Variants in LRRC4C observed in about 807,000 individuals in gnomAD.
LRRC4C encodes leucine rich repeat containing 4C, also known as leucine-rich repeat-containing protein 4C.
In LRRC4C, 5 loss-of-function variants were observed where a neutral mutation model predicts 33.6. That is an observed-to-expected ratio of 0.15 (90% CI 0.08 to 0.31). The LOEUF (loss-of-function observed/expected upper bound fraction) is 0.31, where lower values mean the gene tolerates loss of function less well. Ranked by LOEUF, LRRC4C falls within the 10% of genes least tolerant of loss-of-function variation. LRRC4C has a pLI of 1.00. For missense variants in LRRC4C, 560 were observed against 796.7 expected (o/e 0.70, Z 3.58); for synonymous variants, 329 against 302.0 (o/e 1.09, Z -0.93).
chr11:40,479,646 A>G (rs902267553), intron 3 of LRRC4C, among the ~76,000 whole-genome samples: 28 of 152,172 alleles, frequency 1.8e-4, no homozygotes, highest in Non-Finnish European at 3.1e-4. Context: ...CCAAGTTCCT[A>G]TTGCAGACTG....
At chr11:40,329,823 C>T (rs1428925659) in intron 3 of LRRC4C, among the ~76,000 whole-genome samples, 1 of 147,266 alleles carries the variant, frequency 6.8e-6, no homozygotes, top group Non-Finnish European at 1.5e-5. Flanking sequence ...CTCGCTGCAA[C>T]ATCTGCCTCC....
At chr11:40,152,883 T>G (rs1055338837) in intron 5 of LRRC4C, among the ~76,000 whole-genome samples, 2 of 152,030 alleles carry the variant, frequency 1.3e-5, no homozygotes, top group Non-Finnish European at 2.9e-5. Context: ...AAAGGGCATA[T>G]TATATTGGGA....
intron 1 of LRRC4C, among the ~76,000 whole-genome samples, chr11:40,946,513 C>T (rs547597287): frequency 7.9e-5 from 12 of 152,216 alleles, no homozygotes; most frequent in African/African-American, 2.4e-4. Flanking sequence ...GTCTCTAAAC[C>T]GCTTTCCACA....
chr11:41,334,106 G>A (rs1231290205), intron 1 of LRRC4C, among the ~76,000 whole-genome samples: 3 of 152,184 alleles, frequency 2.0e-5, no homozygotes, highest in Non-Finnish European at 4.4e-5. Flanking sequence ...TATCGTAAGA[G>A]GCGTGGAATA....
chr11:41,361,070 G>A (rs999816834), intron 1 of LRRC4C, among the ~76,000 whole-genome samples: 27 of 152,104 alleles, frequency 1.8e-4, no homozygotes, highest in African/African-American at 6.5e-4. Flanking sequence ...TAATTACCAG[G>A]CAGTTTTCCA....
At chr11:40,548,497 GA>G (rs1178166855) in intron 3 of LRRC4C, among the ~76,000 whole-genome samples, 1 of 152,036 alleles carries the variant, frequency 6.6e-6, no homozygotes, top group East Asian at 1.9e-4. Flanking sequence ...CTCCTAGAAG[GA>G]AACAACCATG....
chr11:41,146,883 T>A (rs1342730142), intron 1 of LRRC4C, among the ~76,000 whole-genome samples: 1 of 152,214 alleles, frequency 6.6e-6, no homozygotes, highest in Non-Finnish European at 1.5e-5. Context: ...ACTGAATGTA[T>A]GAAAATTCCT....
intron 3 of LRRC4C, among the ~76,000 whole-genome samples, chr11:40,375,541 T>C (rs1251816263): frequency 3.3e-5 from 5 of 152,134 alleles, no homozygotes; most frequent in Non-Finnish European, 7.4e-5. Flanking sequence ...AGGTCTAACA[T>C]TTTGTGGCAT....
intron 2 of LRRC4C, among the ~76,000 whole-genome samples, chr11:40,873,751 C>T (rs940014836): frequency 6.6e-6 from 1 of 152,110 alleles, no homozygotes; most frequent in African/African-American, 2.4e-5. Context: ...GCCTTAAGTT[C>T]ATTTCTTGTA....
At chr11:41,079,605 G>A (rs1402779206) in intron 1 of LRRC4C, among the ~76,000 whole-genome samples, 6 of 152,060 alleles carry the variant, frequency 3.9e-5, no homozygotes, top group African/African-American at 1.2e-4. Context: ...GAGCTTATTC[G>A]TAAACTCAAA....
At position 40,930,844 on chromosome 11, in the gene LRRC4C, C is replaced by T. The variant is rs564907886; in HGVS notation, c.-407+2791G>A. Among the ~76,000 whole-genome samples, 9 of 152,292 alleles carry T rather than the reference C, an allele frequency of 5.9e-5. No individual in the cohort carries two copies. The East Asian group carries it at 1.5e-3, about 26-fold the overall frequency. ...GCCAAAACAAATTAAATCCCCCAAA[C>T]ATTTCATAAATTATTTATGTTTATG... On this transcript the variant is annotated intron_variant, in intron 2 of 6. Coordinates refer to ENST00000528697, the MANE Select transcript of LRRC4C (RefSeq NM_001258419.2).
intron 1 of LRRC4C, among the ~76,000 whole-genome samples, chr11:41,279,718 G>A (rs1949604005): frequency 1.3e-5 from 2 of 152,036 alleles, no homozygotes; most frequent in South Asian, 4.2e-4. Flanking sequence ...AAGGAAATTT[G>A]ACTCCATGCA....
intron 2 of LRRC4C, among the ~76,000 whole-genome samples, chr11:40,842,207 T>G (rs1952944606): frequency 6.6e-6 from 1 of 152,128 alleles, no homozygotes; most frequent in South Asian, 2.1e-4. Context: ...GGTGCCAGAT[T>G]TCCATGCTGG....
chr11:40,573,274 T>C (rs779273974), intron 3 of LRRC4C, among the ~76,000 whole-genome samples: 1 of 152,184 alleles, frequency 6.6e-6, no homozygotes, highest in African/African-American at 2.4e-5. Flanking sequence ...ACAAAATTCA[T>C]TGGTGTTTCT....
intron 1 of LRRC4C, among the ~76,000 whole-genome samples, chr11:41,384,239 G>A (rs988398785): frequency 6.6e-6 from 1 of 151,894 alleles, no homozygotes; most frequent in African/African-American, 2.4e-5. Context: ...TTAGGAGGTA[G>A]TAAATATGTT....
At chr11:40,451,043 CTCTA>C (rs1479468203) in intron 3 of LRRC4C, among the ~76,000 whole-genome samples, 1 of 151,442 alleles carries the variant, frequency 6.6e-6, no homozygotes, top group Non-Finnish European at 1.5e-5. Flanking sequence ...ATGTAACTCT[CTCTA>C]TATATATGCA....
At chr11:40,498,751 C>T (rs1259017244) in intron 3 of LRRC4C, among the ~76,000 whole-genome samples, 7 of 152,072 alleles carry the variant, frequency 4.6e-5, no homozygotes, top group Admixed American at 1.3e-4. Context: ...GCTTAAGTCC[C>T]TCAGGAATGT....
intron 2 of LRRC4C, among the ~76,000 whole-genome samples, chr11:40,663,072 GATTT>G (rs748925521): frequency 3.9e-5 from 6 of 151,940 alleles, no homozygotes; most frequent in Admixed American, 2.0e-4. Flanking sequence ...GGATAAGATA[GATTT>G]ATTTATTTAT....
intron 1 of LRRC4C, among the ~76,000 whole-genome samples, chr11:40,964,931 C>T (rs1851236432): frequency 6.6e-6 from 1 of 151,982 alleles, no homozygotes; most frequent in Non-Finnish European, 1.5e-5. Flanking sequence ...TTCTAGATCC[C>T]TGAGGAATCA....
Sources: allele counts gnomAD v4.1 joint callset (sites outside exome capture counted in the v4.1 genomes callset), GRCh38; gene constraint gnomAD v4.1.1; transcripts MANE v1.5; gene names NCBI Gene and HGNC (gene_info 2026-07-23, HGNC 2026-07-21).